The following CCDC13 variants were observed in gnomAD, a reference collection of about 807,000 sequenced individuals.
CCDC13 encodes the protein coiled-coil domain-containing protein 13.
In CCDC13, 70 loss-of-function variants were observed where a neutral mutation model predicts 87.3. The ratio of observed to expected loss-of-function variants is 0.80; its 90% confidence interval spans 0.66 to 0.98. CCDC13 has a LOEUF of 0.98. Among genes scored for constraint, CCDC13 ranks in the 50% least tolerant of loss-of-function variants. The pLI is 0.00. For missense variants in CCDC13, 842 were observed against 892.0 expected, an observed-to-expected ratio of 0.94 and a Z score of 0.71; for synonymous variants, 317 against 360.3, an observed-to-expected ratio of 0.88 and a Z score of 1.36.
intron 2 of CCDC13, 95 bp downstream of exon 2, chr3:42,758,030 G>T: frequency 9.5e-7 from 1 of 1,050,450 alleles, no homozygotes; most frequent in Non-Finnish European, 1.4e-6. Context: ...CACTTTAGCT[G>T]CATTTTACAA....
At chr3:42,719,302 C>A (rs1228312374) in intron 13 of CCDC13, 1 of 151,898 alleles carries the variant, frequency 6.6e-6, no homozygotes, top group Non-Finnish European at 1.5e-5. Flanking sequence ...CTGAACTTTT[C>A]AGTGTCGCTG....
chr3:42,724,653 C>T (rs905885482), intron 13 of CCDC13, among the ~76,000 whole-genome samples: 1 of 152,142 alleles, frequency 6.6e-6, no homozygotes, highest in African/African-American at 2.4e-5. Context: ...CATGAAATTC[C>T]AAATATTTTG....
intron 12 of CCDC13, among the ~76,000 whole-genome samples, chr3:42,731,313 G>T (rs1698824767): frequency 6.6e-6 from 1 of 151,918 alleles, no homozygotes; most frequent in Non-Finnish European, 1.5e-5. Flanking sequence ...GCTGGGGCAT[G>T]TGATCCTGAG....
At chr3:42,769,086 C>T (rs771086054) in intron 1 of CCDC13, among the ~76,000 whole-genome samples, 2 of 151,648 alleles carry the variant, frequency 1.3e-5, no homozygotes, top group South Asian at 2.1e-4. Context: ...TGCAGTGAGC[C>T]GAGATCATGC....
chr3:42,724,896 C>T (rs1252404331), intron 13 of CCDC13, among the ~76,000 whole-genome samples: 2 of 151,980 alleles, frequency 1.3e-5, no homozygotes, highest in Non-Finnish European at 2.9e-5. Context: ...AGCATAATGA[C>T]ACAAAATCTT....
At chr3:42,744,574 G>C (rs1699334528) in intron 7 of CCDC13, among the ~76,000 whole-genome samples, 1 of 152,090 alleles carries the variant, frequency 6.6e-6, no homozygotes, top group African/African-American at 2.4e-5. Flanking sequence ...GGCAAGCCGA[G>C]GTGGGCGGAT....
In CCDC13 at chr3:42,708,904, GGA is replaced by G. The variant is rs1575262310; in HGVS notation, c.*74_*75del. On this transcript the variant is annotated 3_prime_UTR_variant, in exon 16 of 16. Transcript: ENST00000310232. ...CCTGGGCTGGCTTCCCGGAGCAGAT[GGA>G]GTCCTCAGACAGAGTCTTATCCTCT... The G allele has an allele frequency of 6.9e-7, 1 of 1,451,028 alleles. No individual in the cohort carries two copies. The highest frequency in any genetic ancestry group is 2.5e-5 in the East Asian group (1 of 39,724). The allele number at this position is 1,451,028 out of a possible 1,614,324, so 89.9% of individuals were successfully genotyped here.
intron 5 of CCDC13, 85 bp downstream of exon 5, chr3:42,751,851 A>G (rs1478876366): frequency 8.2e-7 from 1 of 1,213,066 alleles, no homozygotes; most frequent in Non-Finnish European, 1.2e-6. Context: ...GACCTCGGGT[A>G]GAGGTACCTA....
At position 42,743,103 on chromosome 3, in the gene CCDC13, C is replaced by T. The variant is rs377319628; in HGVS notation, c.826-46G>A. The T allele has an allele frequency of 2.0e-4, 326 of 1,607,036 alleles. 1 individual carries two copies. In the Middle Eastern group the frequency reaches 3.7e-3, roughly 18 times the overall value. On this transcript the variant is annotated intron_variant, in intron 7 of 15. Coordinates refer to ENST00000310232, the MANE Select transcript of CCDC13 (RefSeq NM_144719.4). ...CGTTCCACAATGGGTCTTCTGCCAG[C>T]CTCTTCTACTCAGAAGTGTGATAGG...
At chr3:42,711,246 C>CAAAAAAAAAAAAA (rs1174084143) in intron 14 of CCDC13, among the ~76,000 whole-genome samples, 15 of 75,328 alleles carry the variant, frequency 2.0e-4, no homozygotes, top group African/African-American at 7.8e-4. Context: ...ACTCTGTCTC[C>CAAAAAAAAAAAAA]AAAAAAAAAA....
At chr3:42,758,453 C>T (rs970829505) in intron 1 of CCDC13, 102 bp from the exon 2 acceptor site, 6 of 1,115,572 alleles carry the variant, frequency 5.4e-6, no homozygotes, top group African/African-American at 3.1e-5. Flanking sequence ...TTTACTGCTT[C>T]GCGTTGCATG....
chr3:42,720,823 A>G (rs557152706), intron 13 of CCDC13, among the ~76,000 whole-genome samples: 3 of 152,368 alleles, frequency 2.0e-5, no homozygotes, highest in Admixed American at 6.5e-5. Flanking sequence ...ATAAAAGCAC[A>G]ACAGGTTTTT....
intron 14 of CCDC13, among the ~76,000 whole-genome samples, chr3:42,710,568 G>A (rs1349446233): frequency 1.3e-5 from 2 of 152,204 alleles, no homozygotes; most frequent in African/African-American, 2.4e-5. Flanking sequence ...AGTGGCCCAC[G>A]GTGGGGTGGT....
chr3:42,747,228 A>G (rs1258791124), intron 6 of CCDC13, 29 bp downstream of exon 6: 2 of 1,557,842 alleles, frequency 1.3e-6, no homozygotes, highest in East Asian at 2.2e-5. Flanking sequence ...CAGCCACACA[A>G]GAAGCCCCAA....
At chr3:42,752,346 A>G (rs767771080) in intron 4 of CCDC13, among the ~76,000 whole-genome samples, 5 of 152,324 alleles carry the variant, frequency 3.3e-5, no homozygotes, top group Non-Finnish European at 7.4e-5. Flanking sequence ...AAAAAGAATG[A>G]TGGATTTCAG....
intron 13 of CCDC13, among the ~76,000 whole-genome samples, chr3:42,724,267 A>C (rs1234341377): frequency 1.3e-5 from 2 of 152,166 alleles, no homozygotes; most frequent in African/African-American, 4.8e-5. Context: ...ATCTCAATAA[A>C]TATTATCCTC....
chr3:42,737,008 C>T (rs2125887861), intron 9 of CCDC13, among the ~76,000 whole-genome samples: 1 of 152,292 alleles, frequency 6.6e-6, no homozygotes, highest in East Asian at 1.9e-4. Flanking sequence ...TGGTTTGCTG[C>T]ACCCATCAAC....
At chr3:42,712,390 T>C (rs974294453) in intron 14 of CCDC13, among the ~76,000 whole-genome samples, 8 of 152,016 alleles carry the variant, frequency 5.3e-5, no homozygotes, top group African/African-American at 1.9e-4. Context: ...TCTGGCATCC[T>C]CCAGCTCGCC....
chr3:42,714,308 C>T (rs1161149276), intron 13 of CCDC13, among the ~76,000 whole-genome samples: 1 of 152,186 alleles, frequency 6.6e-6, no homozygotes, highest in African/African-American at 2.4e-5. Flanking sequence ...ACATAAAGCA[C>T]TCACAGGCAT....
Sources: gnomAD v4.1 joint callset for allele counts (sites outside exome capture counted in the v4.1 genomes callset) on GRCh38, gnomAD v4.1.1 for gene constraint, MANE v1.5 for transcripts, NCBI Gene and HGNC (gene_info 2026-07-23, HGNC 2026-07-21) for gene names.